Variants in ZBTB40 observed in about 807,000 individuals in gnomAD.
ZBTB40 encodes the protein zinc finger and BTB domain containing 40.
Under a neutral mutation model 117.5 loss-of-function variants are expected in ZBTB40, and 60 were observed. The ratio of observed to expected loss-of-function variants is 0.51; its 90% CI spans 0.41 to 0.63. ZBTB40 has a LOEUF of 0.63. Among genes scored for constraint, ZBTB40 ranks in the 30% least tolerant of loss-of-function variants. ZBTB40 has a pLI of 0.00. For synonymous variants in ZBTB40, 525 were observed against 577.1 expected (o/e 0.91, Z 1.29); for missense variants, 1,287 against 1,498.5 (o/e 0.86, Z 2.33).
At chr1:22,438,654 G>A (rs115269839) in intron 1 of ZBTB40, among the ~76,000 whole-genome samples, 204 of 152,210 alleles carry the variant, frequency 1.3e-3, no homozygotes, top group African/African-American at 4.7e-3. Context: ...AAGGATTCCC[G>A]TTTTTCCACA....
intron 9 of ZBTB40, among the ~76,000 whole-genome samples, chr1:22,509,494 G>A (rs967411263): frequency 1.3e-5 from 2 of 152,032 alleles, no homozygotes; most frequent in Admixed American, 6.6e-5. Context: ...TTACAGGTGC[G>A]CACCACCGTG....
chr1:22,524,507 G>T, intron 17 of ZBTB40, 63 bp downstream of exon 17: 1 of 1,550,536 alleles, frequency 6.4e-7, no homozygotes, highest in Non-Finnish European at 8.8e-7. Context: ...CTTCTCTAGA[G>T]GTGGCTCTGT....
chr1:22,434,536 C>G (rs1002097115), intron 1 of ZBTB40, among the ~76,000 whole-genome samples: 2 of 152,026 alleles, frequency 1.3e-5, no homozygotes, highest in African/African-American at 4.8e-5. Context: ...CCATTTTTTC[C>G]TGGTACTTTA....
At chr1:22,525,222 A>G (rs565415425) in intron 17 of ZBTB40, among the ~76,000 whole-genome samples, 2 of 152,260 alleles carry the variant, frequency 1.3e-5, no homozygotes, top group African/African-American at 4.8e-5. Context: ...TCTTTTTTGT[A>G]TATTATGGTT....
intron 1 of ZBTB40, among the ~76,000 whole-genome samples, chr1:22,431,506 A>AGG (rs200810801): frequency 6.6e-6 from 1 of 151,188 alleles, no homozygotes; most frequent in African/African-American, 2.4e-5. Context: ...TGGGAGACCA[A>AGG]GGGGGGTGGG....
intron 1 of ZBTB40, among the ~76,000 whole-genome samples, chr1:22,475,616 A>C (rs576592070): frequency 8.8e-4 from 133 of 151,906 alleles, no homozygotes; most frequent in Non-Finnish European, 1.7e-3. Context: ...TTCCCTTGCC[A>C]CTCACTGGGA....
At chr1:22,495,466 C>T (rs1203543786) in intron 3 of ZBTB40, among the ~76,000 whole-genome samples, 1 of 152,066 alleles carries the variant, frequency 6.6e-6, no homozygotes, top group Non-Finnish European at 1.5e-5. Context: ...GAGCCAGACT[C>T]ATACTTTTTT....
At chr1:22,467,980 C>T (rs1022323639) in intron 1 of ZBTB40, among the ~76,000 whole-genome samples, 2 of 151,128 alleles carry the variant, frequency 1.3e-5, no homozygotes, top group Admixed American at 1.3e-4. Context: ...TCCTAGCTAC[C>T]TGAGAGGCTG....
intron 1 of ZBTB40, among the ~76,000 whole-genome samples, chr1:22,471,451 T>A (rs1641401840): frequency 6.6e-6 from 1 of 152,236 alleles, no homozygotes; most frequent in Admixed American, 6.5e-5. Flanking sequence ...ACTTATTAGC[T>A]GTGTGGTCTT....
chr1:22,485,498 A>G (rs1361684947), intron 1 of ZBTB40, among the ~76,000 whole-genome samples: 1 of 150,318 alleles, frequency 6.7e-6, no homozygotes, highest in South Asian at 2.1e-4. Context: ...TGTATTGTCT[A>G]TTTTTTTTTC....
At chr1:22,488,344 TA>T (rs35787544) in intron 1 of ZBTB40, among the ~76,000 whole-genome samples, 38,762 of 152,124 alleles carry the variant, frequency 0.25, 6,269 homozygotes, top group South Asian at 0.38. Flanking sequence ...CAGTAGGCGA[TA>T]AGTGCTATGC....
intron 3 of ZBTB40, among the ~76,000 whole-genome samples, chr1:22,496,952 T>C (rs1229070765): frequency 6.6e-6 from 1 of 152,326 alleles, no homozygotes; most frequent in Non-Finnish European, 1.5e-5. Flanking sequence ...AAACCGGCAG[T>C]GCAGCCTTCA....
At chr1:22,457,736 A>C (rs543534393) in intron 1 of ZBTB40, among the ~76,000 whole-genome samples, 1 of 152,250 alleles carries the variant, frequency 6.6e-6, no homozygotes, top group Non-Finnish European at 1.5e-5. Flanking sequence ...TATTTTTAGC[A>C]TAAAAACAAA....
chr1:22,524,480 A>T, intron 17 of ZBTB40, 36 bp downstream of exon 17: 2 of 1,602,710 alleles, frequency 1.2e-6, no homozygotes, highest in Non-Finnish European at 1.7e-6. Context: ...TAGAATGCTA[A>T]TGCATGGTTC....
At position 22,437,378 on chromosome 1, in the gene ZBTB40, T is replaced by C. The variant is rs528753118; in HGVS notation, c.-70+8364T>C. 3.3e-5 allele frequency among the ~76,000 whole-genome samples: 5 copies of C among 152,168 alleles called. No homozygotes were observed. The South Asian group carries it at 1.0e-3, about 32-fold the overall frequency. On this transcript the variant is annotated intron_variant, in intron 1 of 8. Coordinates refer to the ZBTB40 transcript ENST00000650433. ...TTGGAGGAGTGCACATACTTTTTTT[T>C]TTCGATTTTTTTATTGTGGCAAAAT...
intron 1 of ZBTB40, among the ~76,000 whole-genome samples, chr1:22,454,292 C>T (rs1640955134): frequency 6.6e-6 from 1 of 152,244 alleles, no homozygotes; most frequent in African/African-American, 2.4e-5. Flanking sequence ...CCAAGCACCA[C>T]TGTCTAGGTC....
At chr1:22,502,239 C>T in intron 4 of ZBTB40, 60 bp from the exon 5 acceptor site, 2 of 1,561,552 alleles carry the variant, frequency 1.3e-6, no homozygotes, top group South Asian at 2.3e-5. Flanking sequence ...ACAAACCATG[C>T]TGTCATTTTC....
intron 11 of ZBTB40, among the ~76,000 whole-genome samples, 193 bp from the exon 12 acceptor site, chr1:22,512,730 TG>T (rs1639274983): frequency 6.6e-6 from 1 of 152,190 alleles, no homozygotes. Flanking sequence ...CAGGTGACTT[TG>T]GGGATGCCAG....
In ZBTB40 at chr1:22,528,339, G is replaced by T. The variant is rs1373386129; in HGVS notation, c.*1943G>T. 6.6e-6 allele frequency: 1 copy of T among 152,362 alleles called. No homozygotes were observed. Among genetic ancestry groups the T allele is most frequent in the Non-Finnish European group, 1.5e-5 (1 of 68,034 alleles). 9.4% of individuals were successfully genotyped at this position (152,362 alleles called of 1,614,324 possible). On this transcript the variant is annotated 3_prime_UTR_variant, in exon 18 of 18. Coordinates refer to ENST00000375647, the MANE Select transcript of ZBTB40 (RefSeq NM_014870.4). ...CCAGCCCCTCACAAGCTGTGGGATG[G>T]GGCTTGGGAGTTGCAGTGAATGTCA...
Sources: gnomAD v4.1 joint callset for allele counts (sites outside exome capture counted in the v4.1 genomes callset) on GRCh38, gnomAD v4.1.1 for gene constraint, MANE v1.5 for transcripts, NCBI Gene and HGNC (gene_info 2026-07-23, HGNC 2026-07-21) for gene names.